MIIP: variants seen among roughly 807,000 people sequenced by gnomAD.
MIIP encodes the protein migration and invasion-inhibitory protein.
MIIP carries 44 observed loss-of-function variants against 44.8 expected under a neutral mutation model. That is an observed-to-expected ratio of 0.98 (90% CI 0.77 to 1.26). The LOEUF is 1.26. MIIP is among the 50% of genes most tolerant of loss of function. The pLI is 0.00. For missense variants in MIIP, 496 were observed against 511.7 expected (o/e 0.97, Z 0.30); for synonymous variants, 225 against 218.3 (o/e 1.03, Z -0.27).
At chr1:12,031,178 G>T in intron 8 of MIIP, 88 bp from the exon 9 acceptor site, 1 of 1,469,262 alleles carries the variant, frequency 6.8e-7, no homozygotes, top group African/African-American at 1.4e-5. Context: ...TTCCTAATGG[G>T]GGGCACAGTT....
intron 6 of MIIP, 128 bp downstream of exon 6, chr1:12,029,409 G>T: frequency 9.3e-7 from 1 of 1,076,548 alleles, no homozygotes. Flanking sequence ...GAGACTCATG[G>T]AGGGAGGCCT....
chr1:12,029,085 C>G lies in MIIP; in HGVS notation c.600C>G (p.Ser200=), dbSNP rs79856956. 2,342 of 1,614,180 alleles carry G rather than the reference C, an allele frequency of 1.5e-3. 47 individuals carry two copies. In the East Asian group the frequency reaches 0.036, roughly 24 times the overall value. The change falls in exon 5 of 10, where the codon TCC becomes TCG. Residue 200 remains serine (S), a synonymous_variant. Coordinates refer to ENST00000235332, the MANE Select transcript of MIIP (RefSeq NM_021933.4). ...SITSQPEAFF[S]KLQEFRETNK... ...CCAGCCAGCCTGAGGCCTTCTTCTCCAAGCTGCAGGAGTTTCGGGAAACCA... is the reference window on the plus strand; with the variant it reads ...CCAGCCAGCCTGAGGCCTTCTTCTCGAAGCTGCAGGAGTTTCGGGAAACCA...
intron 8 of MIIP, among the ~76,000 whole-genome samples, chr1:12,030,586 G>A (rs1292781677): frequency 2.4e-5 from 2 of 83,544 alleles, no homozygotes. Flanking sequence ...TTTTGAGACC[G>A]AGTTTTGTTC....
chr1:12,029,778 C>G lies in MIIP; in HGVS notation c.729C>G (p.Tyr243Ter). The change falls in exon 7 of 10, where the codon TAC becomes TAG. Residue 243 changes from tyrosine (Y) to a stop codon, truncating the protein, a stop_gained. Transcript: ENST00000235332. LOFTEE classifies it high-confidence loss of function. ...VEEDHECVYCYRVNRRLFPVP... is the reference protein window; with the variant it reads ...VEEDHECVYC ...TGGGCCTCGCAGGCGTGTACTGTTA[C>G]CGTGTCAACCGGCGCCTGTTCCCGG... 1 of 1,613,114 alleles carries G rather than the reference C, an allele frequency of 6.2e-7. No homozygotes were observed. The highest frequency in any genetic ancestry group is 8.5e-7 in the Non-Finnish European group (1 of 1,179,432).
At chr1:12,019,745 G>A (rs1639929778) in intron 1 of MIIP, among the ~76,000 whole-genome samples, 193 bp downstream of exon 1, 1 of 152,286 alleles carries the variant, frequency 6.6e-6, no homozygotes. Context: ...CTGGAGCGTC[G>A]CTTTCCCGGT....
intron 4 of MIIP, among the ~76,000 whole-genome samples, chr1:12,026,997 T>C (rs1482014038): frequency 1.5e-5 from 2 of 130,220 alleles, no homozygotes; most frequent in African/African-American, 3.0e-5. Flanking sequence ...TACTATTCCT[T>C]TTCTTTTTCT....
chr1:12,029,059 A>T lies in MIIP; in HGVS notation c.574A>T (p.Thr192Ser). The T allele has an allele frequency of 6.2e-7, 1 of 1,613,990 alleles. No homozygotes were observed. The highest frequency in any genetic ancestry group is 8.5e-7 in the Non-Finnish European group (1 of 1,179,970). Residue 192 changes from threonine to serine, a missense_variant, in exon 5 of 10, where the codon ACC (threonine) becomes TCC (serine). Thr to Ser is a moderately conservative substitution (Grantham distance 58). Coordinates refer to ENST00000235332, the MANE Select transcript of MIIP (RefSeq NM_021933.4). ...GTCTCTGGACACCAGCTCTTCCATC[A>T]CCAGCCAGCCTGAGGCCTTCTTCTC... ...AGSLDTSSSI[T>S]SQPEAFFSKL... is the part of the protein sequence containing the mutation.
intron 6 of MIIP, 67 bp from the exon 7 acceptor site, chr1:12,029,698 C>T (rs1640187299): frequency 1.9e-5 from 30 of 1,572,400 alleles, no homozygotes; most frequent in Non-Finnish European, 2.3e-5. Context: ...CCGCTGAGGG[C>T]AGCACGGAGC....
chr1:12,029,527 G>T (rs922070928), intron 6 of MIIP: 5 of 687,464 alleles, frequency 7.3e-6, no homozygotes, highest in South Asian at 1.9e-5. Context: ...CCCCAGCAGT[G>T]CCCCTGTGCT....
Position 12,022,907 on chromosome 1 carries a change from C to T in MIIP, c.537C>T (p.Asp179=). The T allele has an allele frequency of 6.2e-7, 1 of 1,609,842 alleles. No individual in the cohort carries two copies. The highest frequency in any genetic ancestry group is 8.5e-7 in the Non-Finnish European group (1 of 1,177,892). ...GCCTCAGGCCATACCTGGGCTATGA[C>T]TGGATTGCAGGTAAGGCGTGCTGTT... The part of the protein sequence containing the change: ...SWRLRPYLGY[D]WIAGSLDTSS... Residue 179 remains aspartate, a synonymous_variant, in exon 4 of 10, where the codon GAC becomes GAT. Coordinates refer to ENST00000235332, the MANE Select transcript of MIIP (RefSeq NM_021933.4).
intron 4 of MIIP, among the ~76,000 whole-genome samples, chr1:12,028,018 C>A (rs2100904160): frequency 6.6e-6 from 1 of 152,212 alleles, no homozygotes; most frequent in East Asian, 1.9e-4. Flanking sequence ...AACAGCCTGG[C>A]CAAGATGGTG....
chr1:12,031,966 C>A lies in MIIP; in HGVS notation c.*158C>A. 1 of 686,388 alleles carries A rather than the reference C, an allele frequency of 1.5e-6. No homozygotes were observed. Among genetic ancestry groups the A allele is most frequent in the South Asian group, 1.9e-5 (1 of 53,494 alleles). 42.5% of individuals were successfully genotyped at this position (686,388 alleles called of 1,614,324 possible). Reference sequence around the variant, plus strand: ...CCCAAGCTTGTCTGCTGCCTGAGTTCCAGAGAGGGAGGACCCTGGGGTGGA... The same window carrying A: ...CCCAAGCTTGTCTGCTGCCTGAGTTACAGAGAGGGAGGACCCTGGGGTGGA... On this transcript the variant is annotated 3_prime_UTR_variant, in exon 10 of 10. Transcript: ENST00000235332.
intron 4 of MIIP, among the ~76,000 whole-genome samples, chr1:12,023,443 G>A (rs550638083): frequency 7.4e-5 from 10 of 135,700 alleles, no homozygotes; most frequent in South Asian, 2.4e-4. Context: ...TCGCTCTGTC[G>A]CCCAGGCTGG....
rs373485692 is a variant in MIIP at position 12,029,831 on chromosome 1, G to A, written c.782G>A (p.Arg261His). The change falls in exon 7 of 10, where the codon CGC becomes CAC. Residue 261 changes from arginine to histidine, a missense_variant. By Grantham distance (29) the Arg-to-His change is conservative. Coordinates refer to ENST00000235332, the MANE Select transcript of MIIP (RefSeq NM_021933.4). ...CCTGTGGATCCCGGTACCCCCTGCC[G>A]CCTGTGCAGGACACCGCGAGACCAG... ...PVPVDPGTPC[R>H]LCRTPRDQQG... is the part of the protein sequence containing the mutation. The A allele has an allele frequency of 1.1e-5, 18 of 1,613,130 alleles. No homozygotes were observed. The highest frequency in any genetic ancestry group is 1.6e-4 in the Middle Eastern group (1 of 6,080).
At chr1:12,031,142 C>T (rs1640231240) in intron 8 of MIIP, 124 bp from the exon 9 acceptor site, 3 of 1,215,752 alleles carry the variant, frequency 2.5e-6, no homozygotes, top group Non-Finnish European at 2.3e-6. Context: ...TGGGTAGACA[C>T]AGGCCCTGCC....
At chr1:12,022,951 C>G in intron 4 of MIIP, 34 bp downstream of exon 4, 2 of 1,552,634 alleles carry the variant, frequency 1.3e-6, no homozygotes, top group Non-Finnish European at 1.8e-6. Flanking sequence ...CACACTTTGC[C>G]TGGGAGTGGG....
chr1:12,027,705 G>A (rs1370110018), intron 4 of MIIP, among the ~76,000 whole-genome samples: 2 of 152,058 alleles, frequency 1.3e-5, no homozygotes, highest in African/African-American at 2.4e-5. Flanking sequence ...CCTCTCCTCC[G>A]AATTCCAGAC....
intron 4 of MIIP, among the ~76,000 whole-genome samples, chr1:12,028,188 C>T (rs768490932): frequency 1.7e-4 from 26 of 152,204 alleles, no homozygotes; most frequent in Non-Finnish European, 3.4e-4. Flanking sequence ...CCCTGGGCAA[C>T]ACGGTGAGAT....
In MIIP at chr1:12,029,102, G is replaced by T. The variant is rs768328812; in HGVS notation, c.617G>T (p.Arg206Leu). The T allele has an allele frequency of 2.5e-6, 4 of 1,614,136 alleles. No homozygotes were observed. The South Asian group carries it at 3.3e-5, about 13-fold the overall frequency. Residue 206 changes from arginine (R) to leucine (L), a missense_variant, in exon 5 of 10, where the codon CGG becomes CTG. Arg to Leu is a moderately radical substitution (Grantham distance 102). Coordinates refer to ENST00000235332, the MANE Select transcript of MIIP (RefSeq NM_021933.4). ...TTCTTCTCCAAGCTGCAGGAGTTTCGGGAAACCAACAAGGAGGAGTGTATC... is the reference window on the plus strand; with the variant it reads ...TTCTTCTCCAAGCTGCAGGAGTTTCTGGAAACCAACAAGGAGGAGTGTATC... ...EAFFSKLQEF[R>L]ETNKEECICS...
Sources: gnomAD v4.1 joint callset for allele counts (sites outside exome capture counted in the v4.1 genomes callset) on GRCh38, gnomAD v4.1.1 for gene constraint, MANE v1.5 for transcripts, NCBI Gene and HGNC (gene_info 2026-07-23, HGNC 2026-07-21) for gene names.